SETD5: variants seen among roughly 807,000 people sequenced by gnomAD.
SETD5 encodes SET domain containing 5.
Under a neutral mutation model 153.3 loss-of-function variants are expected in SETD5, and 44 were observed. That is an observed-to-expected ratio of 0.29 (90% CI 0.23 to 0.37). The LOEUF (loss-of-function observed/expected upper bound fraction) is 0.37. Among genes scored for constraint, SETD5 ranks in the 10% least tolerant of loss-of-function variants. The pLI, the probability that SETD5 is intolerant of heterozygous loss-of-function variation, is 1.00. For synonymous variants in SETD5, 716 were observed against 645.2 expected, an observed-to-expected ratio of 1.11 and a Z score of -1.66; for missense variants, 1,544 against 1,768.0, an observed-to-expected ratio of 0.87 and a Z score of 2.27.
chr3:9,438,501 A>C (rs1413143981), intron 7 of SETD5, among the ~76,000 whole-genome samples: 1 of 152,218 alleles, frequency 6.6e-6, no homozygotes, highest in Non-Finnish European at 1.5e-5. Context: ...GGAGGTTGAC[A>C]GCCTCACAGG....
chr3:9,413,653 TG>T, intron 1 of SETD5, among the ~76,000 whole-genome samples: 2 of 138,788 alleles, frequency 1.4e-5, no homozygotes, highest in Middle Eastern at 3.6e-3. Flanking sequence ...AGGCGGGGTG[TG>T]TGTGTGTGTG....
intron 11 of SETD5, among the ~76,000 whole-genome samples, chr3:9,444,434 C>T (rs554172296): frequency 2.8e-4 from 42 of 152,156 alleles, no homozygotes; most frequent in Admixed American, 2.4e-3. Context: ...ACATGGTAAT[C>T]GTGGGCACAA....
intron 1 of SETD5, among the ~76,000 whole-genome samples, chr3:9,409,018 CAT>C (rs1345432868): frequency 6.6e-6 from 1 of 152,162 alleles, no homozygotes; most frequent in African/African-American, 2.4e-5. Flanking sequence ...GCTGCTTTCT[CAT>C]AACTCCTTCT....
Position 9,464,656 on chromosome 3 carries a change from C to T in SETD5, c.2708C>T (p.Thr903Ile). 1 of 1,614,020 alleles carries T rather than the reference C, an allele frequency of 6.2e-7. No homozygotes were observed. Among genetic ancestry groups the T allele is most frequent in the South Asian group, 1.1e-5 (1 of 91,078 alleles). The change falls in exon 18 of 23, where the codon ACT (threonine) becomes ATT (isoleucine). Residue 903 changes from threonine (T) to isoleucine (I), a missense_variant. Around this residue, in one of 9 missense-constraint regions of SETD5, gnomAD observed 782 missense variants for 787.2 expected, o/e 0.99. Coordinates refer to ENST00000402198, the MANE Select transcript of SETD5 (RefSeq NM_001080517.3). Reference protein sequence around the residue: ...TSLTTASRCNTPLQFELCHRK... With the variant: ...TSLTTASRCNIPLQFELCHRK... ...CTTACTACTGCTAGTCGCTGCAACA[C>T]TCCTCTACAGTTTGAGGTGATTTGG...
intron 17 of SETD5, among the ~76,000 whole-genome samples, chr3:9,460,247 G>A (rs573035637): frequency 6.6e-5 from 10 of 150,694 alleles, no homozygotes; most frequent in African/African-American, 2.4e-4. Flanking sequence ...GGAGAGATAC[G>A]TTTTATTCAT....
chr3:9,431,059 TTTAAGA>T (rs1341691740), intron 3 of SETD5: 17 of 985,414 alleles, frequency 1.7e-5, no homozygotes, highest in Non-Finnish European at 1.8e-5. Context: ...TTCTGGGCAC[TTTAAGA>T]TTAAACCTGG....
intron 1 of SETD5, among the ~76,000 whole-genome samples, chr3:9,405,106 A>G (rs1209551407): frequency 6.6e-6 from 1 of 152,230 alleles, no homozygotes. Flanking sequence ...AAAAGTCTTT[A>G]GTGATAGAGA....
intron 12 of SETD5, 64 bp downstream of exon 12, chr3:9,445,364 G>C (rs1162392160): frequency 6.5e-7 from 1 of 1,548,924 alleles, no homozygotes; most frequent in Non-Finnish European, 8.8e-7. Flanking sequence ...AGGAACCCGG[G>C]TTGCCGCATG....
intron 16 of SETD5, among the ~76,000 whole-genome samples, chr3:9,452,628 G>A (rs2042748958): frequency 1.4e-5 from 2 of 144,844 alleles, no homozygotes. Context: ...CTTTCATTTG[G>A]CCAGCCACAA....
intron 13 of SETD5, among the ~76,000 whole-genome samples, chr3:9,445,962 GTTGTT>G (rs1211138232): frequency 2.5e-5 from 3 of 120,244 alleles, no homozygotes; most frequent in Admixed American, 1.8e-4. Flanking sequence ...GTTTGAAGAG[GTTGTT>G]TTTTTTTTTT....
chr3:9,436,000 C>T, intron 7 of SETD5, 94 bp downstream of exon 7: 4 of 1,284,488 alleles, frequency 3.1e-6, no homozygotes, highest in Non-Finnish European at 3.2e-6. Flanking sequence ...GAAGTTTGAT[C>T]CAGGTGTTTG....
intron 1 of SETD5, among the ~76,000 whole-genome samples, chr3:9,408,016 A>G (rs577752798): frequency 3.6e-4 from 54 of 151,900 alleles, no homozygotes; most frequent in African/African-American, 1.3e-3. Flanking sequence ...AAAAAAATTA[A>G]TCTTGTGTAG....
Position 9,475,738 on chromosome 3 carries a change from C to T in SETD5, c.3976C>T (p.His1326Tyr), listed in dbSNP as rs980828532. Reference protein sequence around the residue: ...GTPGYFSSQPHSGNSTGSNLP... With the variant: ...GTPGYFSSQPYSGNSTGSNLP... ...ACCAGGGTATTTTAGCAGCCAGCCA[C>T]ATTCTGGAAACAGCACTGGCAGCAA... is the stretch of plus-strand genomic sequence containing the variant. Residue 1326 changes from histidine to tyrosine, a missense_variant, in exon 23 of 23, where the codon CAT becomes TAT. Transcript: ENST00000402198. The T allele has an allele frequency of 1.9e-6, 3 of 1,613,858 alleles. No homozygotes were observed. The African/African-American group carries it at 4.0e-5, about 22-fold the overall frequency.
At chr3:9,457,531 A>G (rs1461106191) in intron 17 of SETD5, among the ~76,000 whole-genome samples, 1 of 150,724 alleles carries the variant, frequency 6.6e-6, no homozygotes, top group Non-Finnish European at 1.5e-5. Flanking sequence ...GAGTTTATTA[A>G]TATCACTGGA....
intron 7 of SETD5, among the ~76,000 whole-genome samples, chr3:9,437,117 T>G (rs760949997): frequency 1.4e-4 from 21 of 152,140 alleles, no homozygotes; most frequent in Non-Finnish European, 2.2e-4. Flanking sequence ...GGTTTTTCAT[T>G]CATTGCTTTC....
At chr3:9,398,829 G>A (rs1412832829) in intron 1 of SETD5, among the ~76,000 whole-genome samples, 2 of 152,230 alleles carry the variant, frequency 1.3e-5, no homozygotes, top group Non-Finnish European at 2.9e-5. Context: ...CCCCTTCTAT[G>A]CTAATTGATT....
intron 7 of SETD5, among the ~76,000 whole-genome samples, chr3:9,436,488 G>A (rs1310153740): frequency 6.6e-6 from 1 of 152,142 alleles, no homozygotes; most frequent in East Asian, 1.9e-4. Context: ...CCCTTGTTAA[G>A]GGGATTGGTC....
At chr3:9,452,944 A>G (rs565157907) in intron 16 of SETD5, among the ~76,000 whole-genome samples, 1 of 152,258 alleles carries the variant, frequency 6.6e-6, no homozygotes, top group East Asian at 1.9e-4. Context: ...AAGAGAACAC[A>G]ATTACAGGTA....
At chr3:9,410,138 TATGGTA>T (rs1037528906) in intron 1 of SETD5, among the ~76,000 whole-genome samples, 13 of 152,352 alleles carry the variant, frequency 8.5e-5, no homozygotes, top group African/African-American at 3.1e-4. Flanking sequence ...ACCTAAGCTA[TATGGTA>T]TAGCCCATTG....
Sources: gnomAD v4.1 joint callset for allele counts (sites outside exome capture counted in the v4.1 genomes callset) on GRCh38, gnomAD v4.1.1 for gene constraint, gnomAD v4.1.1 regional missense constraint, MANE v1.5 for transcripts, NCBI Gene and HGNC (gene_info 2026-07-23, HGNC 2026-07-21) for gene names.